The following RIN3 variants were observed in gnomAD, a reference collection of about 807,000 sequenced individuals.
The protein encoded by RIN3 is RAB5 interacting protein 3.
RIN3 carries 54 observed loss-of-function variants against 76.3 expected under a neutral mutation model. That is an observed-to-expected ratio of 0.71 (90% CI 0.57 to 0.89). The LOEUF (loss-of-function observed/expected upper bound fraction) is 0.89, where lower values mean the gene tolerates loss of function less well. Among genes scored for constraint, RIN3 ranks in the 40% least tolerant of loss-of-function variants. RIN3 has a pLI of 0.00. For synonymous variants in RIN3, 576 were observed against 564.0 expected (o/e 1.02, Z -0.30); for missense variants, 1,256 against 1,322.1 (o/e 0.95, Z 0.78).
chr14:92,572,561 A>AGG (rs1898091532), intron 2 of RIN3, among the ~76,000 whole-genome samples: 1 of 152,208 alleles, frequency 6.6e-6, no homozygotes, highest in African/African-American at 2.4e-5. Context: ...ATTCCTGGTC[A>AGG]GGGAGGGGAC....
At chr14:92,660,298 CTGGGA>C in intron 7 of RIN3, among the ~76,000 whole-genome samples, 1 of 152,320 alleles carries the variant, frequency 6.6e-6, no homozygotes, top group East Asian at 1.9e-4. Context: ...GCCAGATAGT[CTGGGA>C]TGGCGTTGCT....
intron 7 of RIN3, among the ~76,000 whole-genome samples, chr14:92,662,510 C>A (rs1887928278): frequency 6.6e-6 from 1 of 152,334 alleles, no homozygotes; most frequent in East Asian, 1.9e-4. Flanking sequence ...ATAGGCACAG[C>A]CACAACCACC....
intron 7 of RIN3, among the ~76,000 whole-genome samples, chr14:92,671,380 G>A (rs566780772): frequency 2.0e-5 from 3 of 152,310 alleles, no homozygotes; most frequent in Non-Finnish European, 4.4e-5. Flanking sequence ...TCAGAGTTCA[G>A]GGAATGGGCC....
Position 92,623,343 on chromosome 14 carries a change from T to C in RIN3, c.440+7864T>C, listed in dbSNP as rs1455771057. On this transcript the variant is annotated intron_variant, in intron 4 of 9. Coordinates refer to ENST00000216487, the MANE Select transcript of RIN3 (RefSeq NM_024832.5). The surrounding 1 kb of genome is among the most constrained non-coding windows in gnomAD (Gnocchi z 4.9). Reference sequence around the variant, plus strand: ...AAGGCCATTCTGTTTTCCCAAGCCATTTGGCTAGTAGGCCCTAATTGTTCA... The same window carrying C: ...AAGGCCATTCTGTTTTCCCAAGCCACTTGGCTAGTAGGCCCTAATTGTTCA... 6.6e-6 allele frequency among the ~76,000 whole-genome samples: 1 copy of C among 152,254 alleles called. No homozygotes were observed. The highest frequency in any genetic ancestry group is 2.4e-5 in the African/African-American group (1 of 41,464).
chr14:92,598,899 T>C (rs1004782472), intron 3 of RIN3, among the ~76,000 whole-genome samples: 1 of 151,920 alleles, frequency 6.6e-6, no homozygotes, highest in African/African-American at 2.4e-5. Context: ...GACTGGTGAG[T>C]GAGACCCCAG....
intron 7 of RIN3, among the ~76,000 whole-genome samples, chr14:92,672,982 G>A (rs1188221894): frequency 1.1e-4 from 16 of 151,784 alleles, no homozygotes; most frequent in African/African-American, 3.1e-4. Context: ...ATATCATCAC[G>A]GTCTATCAAT....
At chr14:92,577,663 T>C (rs936720982) in intron 3 of RIN3, among the ~76,000 whole-genome samples, 186 bp downstream of exon 3, 3 of 152,226 alleles carry the variant, frequency 2.0e-5, no homozygotes, top group African/African-American at 7.2e-5. Flanking sequence ...TCATCCAAAG[T>C]CAGTGTGAAT....
intron 3 of RIN3, among the ~76,000 whole-genome samples, chr14:92,607,950 A>C (rs1885588294): frequency 6.6e-6 from 1 of 152,208 alleles, no homozygotes; most frequent in Admixed American, 6.5e-5. Flanking sequence ...TTCAACTTAT[A>C]TGATGTTTGT....
At chr14:92,550,207 G>T (rs1240611172) in intron 1 of RIN3, among the ~76,000 whole-genome samples, 4 of 152,114 alleles carry the variant, frequency 2.6e-5, no homozygotes, top group African/African-American at 9.7e-5. Flanking sequence ...CAAAATCAAG[G>T]TTTTAAAGTG....
At chr14:92,678,764 G>C (rs1352569322) in intron 8 of RIN3, among the ~76,000 whole-genome samples, 1 of 152,194 alleles carries the variant, frequency 6.6e-6, no homozygotes, top group Non-Finnish European at 1.5e-5. Flanking sequence ...TGTAGGACAA[G>C]ACAAGTAAGG....
At chr14:92,592,996 A>G (rs1885039108) in intron 3 of RIN3, among the ~76,000 whole-genome samples, 1 of 151,748 alleles carries the variant, frequency 6.6e-6, no homozygotes, top group Non-Finnish European at 1.5e-5. Flanking sequence ...TTTTTTCCTG[A>G]ATATTTTCAA....
At chr14:92,627,787 A>T (rs1251775551) in intron 4 of RIN3, among the ~76,000 whole-genome samples, 1 of 152,222 alleles carries the variant, frequency 6.6e-6, no homozygotes, top group Non-Finnish European at 1.5e-5. Context: ...CCAGAGGAGA[A>T]TGGGAATCCT....
intron 2 of RIN3, among the ~76,000 whole-genome samples, chr14:92,561,153 A>ATATT (rs75500914): frequency 0.3 from 38,217 of 126,966 alleles, 5,943 homozygotes; most frequent in Middle Eastern, 0.39. Flanking sequence ...ATTTTTATAT[A>ATATT]TATATTTATA....
At chr14:92,577,007 A>C (rs1898262931) in intron 2 of RIN3, among the ~76,000 whole-genome samples, 1 of 152,098 alleles carries the variant, frequency 6.6e-6, no homozygotes, top group Non-Finnish European at 1.5e-5. Flanking sequence ...AGAGCCAGCC[A>C]ATTCCAGCCC....
intron 2 of RIN3, among the ~76,000 whole-genome samples, chr14:92,573,496 G>C (rs1898122392): frequency 0.013 from 1 of 80 alleles, no homozygotes; most frequent in African/African-American, 0.056. Flanking sequence ...TCACACGGGG[G>C]GCCGAAGTTC....
At chr14:92,530,178 A>C (rs906728741) in intron 1 of RIN3, among the ~76,000 whole-genome samples, 1 of 152,224 alleles carries the variant, frequency 6.6e-6, no homozygotes, top group Non-Finnish European at 1.5e-5. Flanking sequence ...TCAGCAGCTC[A>C]TGCCTCTGGG....
At chr14:92,632,127 G>T (rs11621652) in intron 4 of RIN3, among the ~76,000 whole-genome samples, 1 of 152,096 alleles carries the variant, frequency 6.6e-6, no homozygotes, top group Non-Finnish European at 1.5e-5. Context: ...GGCAGCTCTG[G>T]AGCATAAAGT....
chr14:92,548,421 G>A (rs753783702), intron 1 of RIN3, among the ~76,000 whole-genome samples: 6 of 152,080 alleles, frequency 3.9e-5, no homozygotes, highest in East Asian at 1.9e-4. Context: ...AGGTATATTC[G>A]GTTCCTAGGG....
intron 7 of RIN3, among the ~76,000 whole-genome samples, chr14:92,661,468 G>A (rs1214393679): frequency 6.6e-6 from 1 of 152,066 alleles, no homozygotes; most frequent in Non-Finnish European, 1.5e-5. Context: ...GCTCATGCCT[G>A]CAATCCCAGC....
Sources: allele counts gnomAD v4.1 joint callset (sites outside exome capture counted in the v4.1 genomes callset), GRCh38; gene constraint gnomAD v4.1.1; non-coding constraint Gnocchi (gnomAD v3.1); transcripts MANE v1.5; gene names NCBI Gene and HGNC (gene_info 2026-07-23, HGNC 2026-07-21).